The following RNF13 variants were observed in gnomAD, a reference collection of about 807,000 sequenced individuals.
RNF13 encodes the protein E3 ubiquitin-protein ligase RNF13.
In RNF13, 19 loss-of-function variants were observed where a neutral mutation model predicts 37.7. That is an observed-to-expected ratio of 0.50 (90% CI 0.35 to 0.74). The LOEUF (loss-of-function observed/expected upper bound fraction) is 0.74. Among genes scored for constraint, RNF13 ranks in the 30% least tolerant of loss-of-function variants. RNF13 has a pLI of 0.01. For synonymous variants in RNF13, 144 were observed against 157.8 expected (o/e 0.91, Z 0.65); for missense variants, 375 against 453.0 (o/e 0.83, Z 1.56).
intron 4 of RNF13, among the ~76,000 whole-genome samples, chr3:149,892,041 A>G (rs570978949): frequency 1.3e-5 from 2 of 152,290 alleles, no homozygotes; most frequent in African/African-American, 4.8e-5. Context: ...TATTTTAAAA[A>G]TCGATAAAAA....
At chr3:149,895,699 T>C (rs978845615) in intron 5 of RNF13, 139 bp downstream of exon 5, 1 of 513,478 alleles carries the variant, frequency 1.9e-6, no homozygotes, top group Non-Finnish European at 3.5e-6. Context: ...TTCTTAACTC[T>C]GGATGATTTT....
chr3:149,909,442 ATTTTTTTTTT>A (rs35918938), intron 6 of RNF13, among the ~76,000 whole-genome samples: 1 of 114,448 alleles, frequency 8.7e-6, no homozygotes, highest in Admixed American at 9.7e-5. Context: ...TGCCTGGTTA[ATTTTTTTTTT>A]TTTTTTTTTT....
intron 7 of RNF13, among the ~76,000 whole-genome samples, chr3:149,915,089 G>A (rs372798962): frequency 1.4e-4 from 21 of 152,110 alleles, no homozygotes; most frequent in African/African-American, 4.8e-4. Flanking sequence ...TTTTAAATGG[G>A]TACTGGATTA....
chr3:149,896,633 C>T (rs1195489829), intron 5 of RNF13, among the ~76,000 whole-genome samples: 2 of 152,018 alleles, frequency 1.3e-5, no homozygotes, highest in Non-Finnish European at 1.5e-5. Flanking sequence ...GCACCTGCCA[C>T]CACGCCTGGC....
At chr3:149,889,935 A>T (rs909541168) in intron 4 of RNF13, among the ~76,000 whole-genome samples, 3 of 152,182 alleles carry the variant, frequency 2.0e-5, no homozygotes, top group African/African-American at 7.2e-5. Context: ...TCAGCCTCCC[A>T]GAGTCCTGGG....
chr3:149,817,548 T>C (rs1719592854), intron 1 of RNF13, among the ~76,000 whole-genome samples: 1 of 152,220 alleles, frequency 6.6e-6, no homozygotes, highest in Non-Finnish European at 1.5e-5. Flanking sequence ...CTTGAATTGG[T>C]TAATAGCAAA....
intron 1 of RNF13, among the ~76,000 whole-genome samples, chr3:149,837,078 A>G (rs933850644): frequency 1.3e-5 from 2 of 152,222 alleles, no homozygotes; most frequent in Non-Finnish European, 2.9e-5. Context: ...TTGCACAACA[A>G]TGTGAATATA....
intron 8 of RNF13, chr3:149,939,050 G>A: frequency 2.0e-6 from 1 of 490,322 alleles, no homozygotes; most frequent in Non-Finnish European, 4.0e-6. Context: ...TCATCCGGAA[G>A]CACTCCTCAC....
Position 149,961,793 on chromosome 3 carries a change from G to A in RNF13, c.*689G>A, listed in dbSNP as rs575548816. On this transcript the variant is annotated 3_prime_UTR_variant, in exon 10 of 10. Coordinates refer to ENST00000392894, the MANE Select transcript of RNF13 (RefSeq NM_183381.3). ...TCAGTGTCCTTAAGGGTTCTGTAGT[G>A]TTATCAAAGCAAAAAGAAAATGCTG... The A allele has an allele frequency of 6.5e-6, 1 of 153,646 alleles. No individual in the cohort carries two copies. The highest frequency in any genetic ancestry group is 2.4e-5 in the African/African-American group (1 of 41,558). 9.5% of individuals were successfully genotyped at this position (153,646 alleles called of 1,614,324 possible). A position where few individuals can be genotyped will look rare whatever the true frequency, so the allele number is the denominator to read the frequency against.
chr3:149,880,393 C>T (rs1713249200), intron 4 of RNF13, among the ~76,000 whole-genome samples: 1 of 151,990 alleles, frequency 6.6e-6, no homozygotes, highest in African/African-American at 2.4e-5. Context: ...ACATAGGTAA[C>T]TAGAGAATAT....
At chr3:149,951,222 G>T (rs144726485) in intron 8 of RNF13, among the ~76,000 whole-genome samples, 131 of 152,202 alleles carry the variant, frequency 8.6e-4, no homozygotes, top group African/African-American at 3.0e-3. Flanking sequence ...TTCTACTCAG[G>T]GTTTCTGCTA....
At chr3:149,931,701 A>G (rs1449970221) in intron 8 of RNF13, among the ~76,000 whole-genome samples, 2 of 152,188 alleles carry the variant, frequency 1.3e-5, no homozygotes, top group Admixed American at 6.5e-5. Flanking sequence ...GTGTGTTGGG[A>G]ATAATTCAAA....
chr3:149,831,485 T>C (rs911765650), intron 1 of RNF13, among the ~76,000 whole-genome samples: 1 of 152,240 alleles, frequency 6.6e-6, no homozygotes, highest in African/African-American at 2.4e-5. Context: ...GCATGGACTC[T>C]GTACCCCCCT....
chr3:149,859,740 T>C (rs2108409816), intron 3 of RNF13, among the ~76,000 whole-genome samples: 1 of 152,274 alleles, frequency 6.6e-6, no homozygotes. Context: ...ATGATATAGA[T>C]ATGAAAAAGA....
At chr3:149,894,733 A>G (rs557780254) in intron 4 of RNF13, among the ~76,000 whole-genome samples, 1 of 152,236 alleles carries the variant, frequency 6.6e-6, no homozygotes, top group African/African-American at 2.4e-5. Flanking sequence ...TATTCAACCA[A>G]TATGCAAATA....
At chr3:149,859,128 G>A (rs1246326556) in intron 3 of RNF13, among the ~76,000 whole-genome samples, 1 of 152,064 alleles carries the variant, frequency 6.6e-6, no homozygotes, top group Admixed American at 6.6e-5. Flanking sequence ...TCAATGTGCT[G>A]GACTTCCTCA....
intron 6 of RNF13, 34 bp from the exon 7 acceptor site, chr3:149,911,944 C>G: frequency 9.2e-7 from 1 of 1,083,966 alleles, no homozygotes; most frequent in East Asian, 2.4e-5. Flanking sequence ...AACAACTCTT[C>G]ATTTCTCAAT....
At chr3:149,871,534 T>C (rs984274761) in intron 3 of RNF13, among the ~76,000 whole-genome samples, 1 of 151,726 alleles carries the variant, frequency 6.6e-6, no homozygotes, top group Non-Finnish European at 1.5e-5. Flanking sequence ...AGTTACCTTG[T>C]GGATATGCAT....
chr3:149,847,577 G>A (rs955600961), intron 2 of RNF13, among the ~76,000 whole-genome samples: 2 of 152,004 alleles, frequency 1.3e-5, no homozygotes, highest in South Asian at 2.1e-4. Flanking sequence ...GTCCTCTGTA[G>A]TAGGGAACTG....
Sources: allele counts gnomAD v4.1 joint callset (sites outside exome capture counted in the v4.1 genomes callset), GRCh38; gene constraint gnomAD v4.1.1; transcripts MANE v1.5; gene names NCBI Gene and HGNC (gene_info 2026-07-23, HGNC 2026-07-21).